Variants in KCNC2 observed in about 807,000 individuals in gnomAD.
KCNC2 encodes the protein potassium voltage-gated channel subfamily C member 2.
KCNC2 carries 21 observed loss-of-function variants against 44.5 expected under a neutral mutation model. The ratio of observed to expected loss-of-function variants is 0.47; its 90% confidence interval spans 0.33 to 0.68. The LOEUF (loss-of-function observed/expected upper bound fraction) is 0.68. Among genes scored for constraint, KCNC2 ranks in the 30% least tolerant of loss-of-function variants. KCNC2 has a pLI of 0.01. For synonymous variants in KCNC2, 391 were observed against 339.1 expected, an observed-to-expected ratio of 1.15 and a Z score of -1.68; for missense variants, 589 against 826.2, an observed-to-expected ratio of 0.71 and a Z score of 3.52.
Position 75,139,662 on chromosome 12 carries a change from C to T in KCNC2, c.687+67635G>A, listed in dbSNP as rs143553361. Among the ~76,000 whole-genome samples, 474 of 152,246 alleles carry T rather than the reference C, an allele frequency of 3.1e-3. 6 individuals carry two copies. In the Middle Eastern group the frequency reaches 0.061, roughly 20 times the overall value. On this transcript the variant is annotated intron_variant, in intron 2 of 4. Transcript: ENST00000549446. ...CTCTTCTCCAGCACCAAGGAGATGTCTAAGCAGAAATATGCTAAAGCCATG... is the reference window on the plus strand; with the variant it reads ...CTCTTCTCCAGCACCAAGGAGATGTTTAAGCAGAAATATGCTAAAGCCATG...
chr12:75,129,452 T>C (rs1269501434), intron 2 of KCNC2, among the ~76,000 whole-genome samples: 3 of 152,204 alleles, frequency 2.0e-5, no homozygotes, highest in African/African-American at 7.2e-5. Context: ...TGTGCTTTCA[T>C]TGGTGCTTAA....
rs1478916814 is a variant in KCNC2 at position 75,188,015 on chromosome 12, G to A, written c.687+19282C>T. ...AACAATAGAAGTTGTATAAGCAACAGTAAAAATAGAAATAGAAGGTAATTT... is the reference window on the plus strand; with the variant it reads ...AACAATAGAAGTTGTATAAGCAACAATAAAAATAGAAATAGAAGGTAATTT... On this transcript the variant is annotated intron_variant, in intron 2 of 4. Coordinates refer to ENST00000549446, the MANE Select transcript of KCNC2 (RefSeq NM_139137.4). 2.6e-5 allele frequency among the ~76,000 whole-genome samples: 4 copies of A among 152,276 alleles called. No individual in the cohort carries two copies. In the East Asian group the frequency reaches 7.7e-4, roughly 29 times the overall value.
At chr12:75,087,457 T>A (rs1885121022) in intron 2 of KCNC2, among the ~76,000 whole-genome samples, 1 of 152,128 alleles carries the variant, frequency 6.6e-6, no homozygotes, top group African/African-American at 2.4e-5. Context: ...ATTATTCCTA[T>A]GCTTGGCCAT....
intron 2 of KCNC2, among the ~76,000 whole-genome samples, chr12:75,084,431 G>A (rs552092386): frequency 6.6e-5 from 10 of 151,550 alleles, no homozygotes; most frequent in African/African-American, 2.4e-4. Flanking sequence ...GGAGGGACCA[G>A]GGGGAGGTAA....
intron 2 of KCNC2, among the ~76,000 whole-genome samples, chr12:75,066,469 T>C (rs1276697995): frequency 6.6e-6 from 1 of 152,178 alleles, no homozygotes; most frequent in Non-Finnish European, 1.5e-5. Context: ...AAAAAATCAT[T>C]TGCTTTTAAA....
Position 75,046,276 on chromosome 12 carries a change from A to G in KCNC2, c.1780+1877T>C, listed in dbSNP as rs1592750588. On this transcript the variant is annotated intron_variant, in intron 4 of 4. Transcript: ENST00000549446. ...GATTGCATGTATAAATTTTCCATGC[A>G]AACTAAATATCTTATTAATTGCTTT... 2.0e-5 allele frequency among the ~76,000 whole-genome samples: 3 copies of G among 151,824 alleles called. No homozygotes were observed. The South Asian group carries it at 6.2e-4, about 31-fold the overall frequency.
chr12:75,061,910 G>A (rs1565820200), intron 2 of KCNC2, among the ~76,000 whole-genome samples: 1 of 152,174 alleles, frequency 6.6e-6, no homozygotes, highest in East Asian at 1.9e-4. Context: ...CTATGCCACT[G>A]ATAACAGTTT....
intron 2 of KCNC2, among the ~76,000 whole-genome samples, chr12:75,107,561 T>C (rs1886888174): frequency 1.3e-5 from 2 of 152,216 alleles, no homozygotes; most frequent in African/African-American, 2.4e-5. Flanking sequence ...GATATCTTTG[T>C]TAGATTTATG....
intron 2 of KCNC2, among the ~76,000 whole-genome samples, chr12:75,174,885 C>T (rs1892075463): frequency 2.6e-5 from 4 of 152,002 alleles, no homozygotes; most frequent in Non-Finnish European, 1.5e-5. Flanking sequence ...ATTTATCTGA[C>T]ATGGTTGAAA....
Position 75,051,199 on chromosome 12 carries a change from C to T in KCNC2, c.806G>A (p.Ser269Asn). 6.2e-7 allele frequency: 1 copy of T among 1,613,392 alleles called. No individual in the cohort carries two copies. The highest frequency in any genetic ancestry group is 8.5e-7 in the Non-Finnish European group (1 of 1,179,452). ...NKTEPVINGT[S>N]VVLQYEIETD... ...TTCAATTTCATACTGTAGAACAACA[C>T]TTGTGCCATTGATGACTGGTTCTGT... The change falls in exon 3 of 5, where the codon AGT (serine) becomes AAT (asparagine). Residue 269 changes from serine to asparagine, a missense_variant. Ser to Asn is a conservative substitution (Grantham distance 46). This residue lies in a region of KCNC2 where 40 missense variants were observed against 40.6 expected (regional missense o/e 0.99). Transcript: ENST00000549446.
intron 2 of KCNC2, among the ~76,000 whole-genome samples, chr12:75,179,189 G>T (rs1892390532): frequency 6.6e-6 from 1 of 151,934 alleles, no homozygotes; most frequent in South Asian, 2.1e-4. Flanking sequence ...GTTTGAATCA[G>T]AACACTAGTA....
Position 75,175,387 on chromosome 12 carries a change from A to G in KCNC2, c.687+31910T>C, listed in dbSNP as rs528858753. Among the ~76,000 whole-genome samples, 4 of 152,064 alleles carry G rather than the reference A, an allele frequency of 2.6e-5. No homozygotes were observed. In the East Asian group the frequency reaches 7.7e-4, roughly 29 times the overall value. On this transcript the variant is annotated intron_variant, in intron 2 of 4. Transcript: ENST00000549446. ...GGCAAATAAGTTCCTATGGGAGCTC[A>G]AGAAAGTAGAGATTATATATGTGGG...
rs555827589 is a variant in KCNC2 at position 75,158,664 on chromosome 12, G to C, written c.687+48633C>G. Among the ~76,000 whole-genome samples, 37 of 151,878 alleles carry C rather than the reference G, an allele frequency of 2.4e-4. 1 individual carries two copies. Among genetic ancestry groups the C allele is most frequent in the South Asian group, 8.3e-4 (4 of 4,822 alleles). On this transcript the variant is annotated intron_variant, in intron 2 of 4. Coordinates refer to ENST00000549446, the MANE Select transcript of KCNC2 (RefSeq NM_139137.4). Reference sequence around the variant, plus strand: ...TGTGAAAGGAGGAAACCATAACAAGGCTTCATCCAACAAAGTTACTTTGAT... The same window carrying C: ...TGTGAAAGGAGGAAACCATAACAAGCCTTCATCCAACAAAGTTACTTTGAT...
chr12:75,187,074 A>C (rs927824568), intron 2 of KCNC2, among the ~76,000 whole-genome samples: 1 of 152,252 alleles, frequency 6.6e-6, no homozygotes, highest in Non-Finnish European at 1.5e-5. Flanking sequence ...CCCTAAGAAC[A>C]GTACTTTACC....
chr12:75,150,984 G>T (rs940969067), intron 2 of KCNC2, among the ~76,000 whole-genome samples: 1 of 151,804 alleles, frequency 6.6e-6, no homozygotes, highest in Non-Finnish European at 1.5e-5. Context: ...TAGTATGGTG[G>T]ATTATATGCT....
chr12:75,075,457 A>T (rs939283417), intron 2 of KCNC2, among the ~76,000 whole-genome samples: 4 of 13,746 alleles, frequency 2.9e-4, no homozygotes, highest in Non-Finnish European at 5.1e-4. Flanking sequence ...ATATATATAT[A>T]CATATATATA....
At chr12:75,111,022 T>G (rs2137235668) in intron 2 of KCNC2, among the ~76,000 whole-genome samples, 1 of 152,244 alleles carries the variant, frequency 6.6e-6, no homozygotes, top group Admixed American at 6.5e-5. Flanking sequence ...TTACTTTTAA[T>G]GCAATAATAT....
rs200838704 is a variant in KCNC2 at position 75,040,445 on chromosome 12, T to A, written c.*2660A>T. On this transcript the variant is annotated 3_prime_UTR_variant, in exon 5 of 5. Coordinates refer to ENST00000549446, the MANE Select transcript of KCNC2 (RefSeq NM_139137.4). ...ACATTTTAGGATATAATTTAATTGA[T>A]ATTCTACTATATACTGACATTGCTC... The A allele has an allele frequency of 4.6e-5, 7 of 152,484 alleles. No individual in the cohort carries two copies. The highest frequency in any genetic ancestry group is 1.4e-4 in the African/African-American group (6 of 41,434). 9.4% of individuals were successfully genotyped at this position (152,484 alleles called of 1,614,324 possible).
At chr12:75,059,381 G>A (rs1263611483) in intron 2 of KCNC2, among the ~76,000 whole-genome samples, 1 of 151,852 alleles carries the variant, frequency 6.6e-6, no homozygotes, top group East Asian at 1.9e-4. Context: ...CACTCTCATT[G>A]TCTCACTTGT....
Sources: allele counts gnomAD v4.1 joint callset (sites outside exome capture counted in the v4.1 genomes callset), GRCh38; gene constraint gnomAD v4.1.1; regional missense constraint gnomAD v4.1.1; transcripts MANE v1.5; gene names NCBI Gene and HGNC (gene_info 2026-07-23, HGNC 2026-07-21).